FAM200C: variants seen among roughly 807,000 people sequenced by gnomAD.
the FAM200C span, among the ~76,000 whole-genome samples, chr5:160,398,939 C>T: frequency 6.6e-6 from 1 of 152,164 alleles, no homozygotes. Flanking sequence ...CAATTATTTA[C>T]AAGTGAAATA....
At chr5:160,393,923 G>C in the FAM200C span, 1 of 1,614,038 alleles carries the variant, frequency 6.2e-7, no homozygotes. Context: ...GTTTGGAAAT[G>C]CTGTGAATTG....
chr5:160,397,744 T>C, the FAM200C span, among the ~76,000 whole-genome samples: 1 of 152,222 alleles, frequency 6.6e-6, no homozygotes, highest in South Asian at 2.1e-4. Context: ...ACCTGAAGTT[T>C]AAAGAGCTGA....
chr5:160,395,391 T>A, the FAM200C span: 10 of 1,614,174 alleles, frequency 6.2e-6, no homozygotes, highest in Non-Finnish European at 7.6e-6. Flanking sequence ...AATACTGAGT[T>A]ACACAACACA....
At chr5:160,399,462 G>A in the FAM200C span, among the ~76,000 whole-genome samples, 1 of 152,184 alleles carries the variant, frequency 6.6e-6, no homozygotes, top group Non-Finnish European at 1.5e-5. Context: ...TGTCTGGGGA[G>A]GCAGAGCATT....
chr5:160,398,591 T>G, the FAM200C span, among the ~76,000 whole-genome samples: 1 of 152,204 alleles, frequency 6.6e-6, no homozygotes, highest in Non-Finnish European at 1.5e-5. Flanking sequence ...TCCATTCCTA[T>G]CCACCTTGAC....
chr5:160,397,120 G>T, the FAM200C span, among the ~76,000 whole-genome samples: 13 of 152,158 alleles, frequency 8.5e-5, no homozygotes, highest in South Asian at 2.1e-4. Context: ...CACTACCTTA[G>T]AACTAATACA....
chr5:160,394,830 T>A, the FAM200C span: 1 of 1,613,796 alleles, frequency 6.2e-7, no homozygotes, highest in Non-Finnish European at 8.5e-7. Context: ...CTGAAGAGAT[T>A]GAACACATCT....
chr5:160,394,275 A>G, the FAM200C span: 104 of 1,613,830 alleles, frequency 6.4e-5, no homozygotes, highest in African/African-American at 2.1e-4. Flanking sequence ...ACAAAAGCAG[A>G]TAACTTCTCT....
chr5:160,395,579 G>A, the FAM200C span: 1 of 1,044,772 alleles, frequency 9.6e-7, no homozygotes, highest in Non-Finnish European at 1.5e-6. Flanking sequence ...AAAAACCAGT[G>A]GCTAACTGAA....
At chr5:160,398,156 C>T in the FAM200C span, among the ~76,000 whole-genome samples, 6 of 152,138 alleles carry the variant, frequency 3.9e-5, no homozygotes, top group Non-Finnish European at 7.3e-5. Flanking sequence ...GCAGGAGAAT[C>T]GCTTGAACCC....
chr5:160,395,010 C>G, the FAM200C span: 3 of 1,613,694 alleles, frequency 1.9e-6, no homozygotes, highest in Admixed American at 3.3e-5. Flanking sequence ...TCTTCTAGAA[C>G]TTGCTGTAAG....
the FAM200C span, chr5:160,394,942 A>T: frequency 1.2e-6 from 2 of 1,613,498 alleles, no homozygotes; most frequent in Non-Finnish European, 1.7e-6. Flanking sequence ...GACTGCAGTC[A>T]TCCATGTCAG....
the FAM200C span, chr5:160,394,495 C>T: frequency 6.2e-7 from 1 of 1,614,108 alleles, no homozygotes; most frequent in Non-Finnish European, 8.5e-7. Flanking sequence ...GGGAAAGCCA[C>T]CTCATTTCAG....
At chr5:160,398,361 C>T in the FAM200C span, among the ~76,000 whole-genome samples, 1 of 152,168 alleles carries the variant, frequency 6.6e-6, no homozygotes, top group Non-Finnish European at 1.5e-5. Flanking sequence ...ACTGGCCCTG[C>T]CAACTTGGCG....
At chr5:160,395,014 C>T in the FAM200C span, 3 of 1,613,768 alleles carry the variant, frequency 1.9e-6, no homozygotes, top group Admixed American at 5.0e-5. Flanking sequence ...CTAGAACTTG[C>T]TGTAAGATAT....
the FAM200C span, among the ~76,000 whole-genome samples, chr5:160,396,757 T>C: frequency 3.3e-5 from 5 of 151,136 alleles, no homozygotes; most frequent in Non-Finnish European, 5.9e-5. Context: ...CAACTATTCT[T>C]GTTACCGAGA....
the FAM200C span, chr5:160,394,084 C>T: frequency 2.1e-5 from 34 of 1,612,740 alleles, no homozygotes; most frequent in Non-Finnish European, 2.3e-5. Flanking sequence ...ATTTACTTGC[C>T]TCATTAAGAT....
the FAM200C span, chr5:160,394,371 G>A: frequency 6.2e-7 from 1 of 1,613,726 alleles, no homozygotes; most frequent in Non-Finnish European, 8.5e-7. Context: ...AGGTATGCTA[G>A]GTGAATTTTA....
the FAM200C span, chr5:160,393,990 TA>T: frequency 2.1e-5 from 34 of 1,613,734 alleles, no homozygotes; most frequent in Admixed American, 5.7e-4. Context: ...ATTTGGCCAC[TA>T]GCTCGTAATT....
Sources: gnomAD v4.1 joint callset for allele counts (sites outside exome capture counted in the v4.1 genomes callset) on GRCh38, gnomAD v4.1.1 for gene constraint, MANE v1.5 for transcripts.